The following FREM3 variants were observed in gnomAD, a reference collection of about 807,000 sequenced individuals.
FREM3 encodes the protein FRAS1 related extracellular matrix 3, also known as FRAS1-related extracellular matrix protein 3.
Under a neutral mutation model 129.1 loss-of-function variants are expected in FREM3, and 105 were observed. The observed-to-expected ratio is 0.81, with a 90% CI of 0.69 to 0.96. The LOEUF is 0.96. FREM3 is among the 40% of genes least tolerant of loss of function. FREM3 has a pLI of 0.00. For missense variants in FREM3, 2,593 were observed against 2,666.3 expected (o/e 0.97, Z 0.61); for synonymous variants, 1,014 against 1,044.9 (o/e 0.97, Z 0.57).
chr4:143,614,917 C>CATG (rs1352220070), intron 5 of FREM3, among the ~76,000 whole-genome samples: 2 of 152,188 alleles, frequency 1.3e-5, no homozygotes, highest in Admixed American at 1.3e-4. Flanking sequence ...CCACTCTATC[C>CATG]ATGATGATGA....
intron 6 of FREM3, among the ~76,000 whole-genome samples, chr4:143,591,650 T>C (rs1167720846): frequency 6.6e-6 from 1 of 152,148 alleles, no homozygotes; most frequent in Non-Finnish European, 1.5e-5. Context: ...GAGGAGAGCT[T>C]TACTTCCAAC....
intron 2 of FREM3, among the ~76,000 whole-genome samples, chr4:143,634,586 T>G (rs1220375268): frequency 1.3e-5 from 2 of 152,190 alleles, no homozygotes; most frequent in East Asian, 3.9e-4. Flanking sequence ...AGGAAAGGGC[T>G]TCGTCTTCAT....
chr4:143,623,914 C>T (rs557624047), intron 4 of FREM3, among the ~76,000 whole-genome samples, 194 bp downstream of exon 4: 10 of 152,236 alleles, frequency 6.6e-5, no homozygotes, highest in Non-Finnish European at 1.2e-4. Context: ...CTATTTTAAT[C>T]GTCCTGTATT....
chr4:143,621,507 C>T (rs1418292441), intron 4 of FREM3, among the ~76,000 whole-genome samples: 1 of 152,074 alleles, frequency 6.6e-6, no homozygotes, highest in Admixed American at 6.5e-5. Context: ...TTTACTTTTA[C>T]TGTTTATTTT....
At chr4:143,599,016 C>T (rs1207543982) in intron 6 of FREM3, among the ~76,000 whole-genome samples, 2 of 152,136 alleles carry the variant, frequency 1.3e-5, no homozygotes, top group Non-Finnish European at 2.9e-5. Context: ...TGTACTCAGC[C>T]TGGATATGGG....
chr4:143,669,666 A>G lies in FREM3; in HGVS notation c.5275+23447T>C, dbSNP rs181390532. ...TGCTTTTTCAGTTCGGAAAAAAAAA[A>G]AAAACCACAAGTCACCTAAGGACTT... is the stretch of plus-strand genomic sequence containing the variant. On this transcript the variant is annotated intron_variant, in intron 2 of 7. Coordinates refer to ENST00000329798, the MANE Select transcript of FREM3 (RefSeq NM_001168235.2). Among the ~76,000 whole-genome samples the G allele has an allele frequency of 3.6e-4, 55 of 152,056 alleles. 1 individual carries two copies. Among genetic ancestry groups the G allele is most frequent in the Admixed American group, 2.3e-3 (35 of 15,272 alleles).
At chr4:143,649,040 A>T (rs1460720804) in intron 2 of FREM3, among the ~76,000 whole-genome samples, 1 of 152,226 alleles carries the variant, frequency 6.6e-6, no homozygotes, top group Non-Finnish European at 1.5e-5. Flanking sequence ...CTGGGATCAC[A>T]GGTATAAACT....
chr4:143,636,502 T>C (rs1739236702), intron 2 of FREM3, among the ~76,000 whole-genome samples: 1 of 152,000 alleles, frequency 6.6e-6, no homozygotes, highest in Admixed American at 6.6e-5. Flanking sequence ...AAGTGACTAT[T>C]AAAGTAATAA....
At chr4:143,648,269 C>T (rs560524118) in intron 2 of FREM3, among the ~76,000 whole-genome samples, 8 of 152,326 alleles carry the variant, frequency 5.3e-5, no homozygotes, top group African/African-American at 1.9e-4. Flanking sequence ...TTTACAGGCT[C>T]TTAGGCAGAA....
intron 2 of FREM3, among the ~76,000 whole-genome samples, chr4:143,661,900 A>T (rs1438148153): frequency 6.6e-6 from 1 of 152,026 alleles, no homozygotes; most frequent in Non-Finnish European, 1.5e-5. Context: ...GTATTCTCTG[A>T]TGATAGTTTG....
chr4:143,668,765 C>T (rs1426730235), intron 2 of FREM3, among the ~76,000 whole-genome samples: 5 of 152,190 alleles, frequency 3.3e-5, no homozygotes, highest in Non-Finnish European at 7.3e-5. Flanking sequence ...TAAACACAGG[C>T]TGAAGAAAAG....
chr4:143,659,134 A>T (rs1463922989), intron 2 of FREM3, among the ~76,000 whole-genome samples: 2 of 148,126 alleles, frequency 1.4e-5, no homozygotes, highest in Non-Finnish European at 3.0e-5. Flanking sequence ...TTTAAGGTAC[A>T]TGTGCACAAT....
In FREM3 at chr4:143,616,426, G is replaced by T. The variant is rs1487373168; in HGVS notation, c.5779+4611C>A. Among the ~76,000 whole-genome samples, 6 of 152,090 alleles carry T rather than the reference G, an allele frequency of 3.9e-5. No homozygotes were observed. In the East Asian group the frequency reaches 1.2e-3, roughly 29 times the overall value. Reference sequence around the variant, plus strand: ...CTACAACTAAATAAATCAACACAGAGAATCTTTTTTAAAAGGAAAGAAAAA... The same window carrying T: ...CTACAACTAAATAAATCAACACAGATAATCTTTTTTAAAAGGAAAGAAAAA... On this transcript the variant is annotated intron_variant, in intron 5 of 7. Transcript: ENST00000329798.
In FREM3 at chr4:143,698,404, G is replaced by T. The variant is rs975689828; in HGVS notation, c.2272C>A (p.Arg758=). The change falls in exon 1 of 8, where the codon CGG becomes AGG. Residue 758 remains arginine, a synonymous_variant. Coordinates refer to ENST00000329798, the MANE Select transcript of FREM3 (RefSeq NM_001168235.2). ...PTDTDGNHQV[R]AGEIVLTDSP... ...TCAGTGAGCACAATTTCTCCAGCCC[G>T]GACTTGGTGGTTGCCATCTGTGTCA... is the stretch of plus-strand genomic sequence containing the variant. 1.2e-5 allele frequency: 19 copies of T among 1,537,904 alleles called. No homozygotes were observed. In the East Asian group the frequency reaches 4.6e-4, roughly 38 times the overall value.
chr4:143,615,226 A>G (rs1268942905), intron 5 of FREM3, among the ~76,000 whole-genome samples: 1 of 152,242 alleles, frequency 6.6e-6, no homozygotes, highest in Non-Finnish European at 1.5e-5. Flanking sequence ...CATGATATCC[A>G]AGGAGTCAAA....
Position 143,665,767 on chromosome 4 carries a change from A to G in FREM3, c.5275+27346T>C, listed in dbSNP as rs543090248. On this transcript the variant is annotated intron_variant, in intron 2 of 7. Coordinates refer to ENST00000329798, the MANE Select transcript of FREM3 (RefSeq NM_001168235.2). ...CCCTCTGCCTTTTCAGAACTCCAGTAGAAGTTGATTGATTAAATCAACCAT... is the reference window on the plus strand; with the variant it reads ...CCCTCTGCCTTTTCAGAACTCCAGTGGAAGTTGATTGATTAAATCAACCAT... 1.2e-4 allele frequency among the ~76,000 whole-genome samples: 18 copies of G among 152,286 alleles called. 1 individual carries two copies. The South Asian group carries it at 3.5e-3, about 30-fold the overall frequency.
chr4:143,671,580 TTTCTG>T (rs1235975760), intron 2 of FREM3, among the ~76,000 whole-genome samples: 1 of 152,196 alleles, frequency 6.6e-6, no homozygotes, highest in Non-Finnish European at 1.5e-5. Context: ...TTTTTTGACT[TTTCTG>T]TACTAAAATT....
intron 2 of FREM3, among the ~76,000 whole-genome samples, chr4:143,656,257 G>A (rs1192526364): frequency 2.0e-5 from 3 of 152,050 alleles, no homozygotes; most frequent in Non-Finnish European, 4.4e-5. Flanking sequence ...GATGACAGCA[G>A]ATATCAAGTC....
intron 6 of FREM3, among the ~76,000 whole-genome samples, chr4:143,602,559 C>T (rs190914497): frequency 6.6e-6 from 1 of 152,166 alleles, no homozygotes; most frequent in Admixed American, 6.5e-5. Context: ...GAAGTCACAC[C>T]TCAGAATTTT....
Sources: allele counts gnomAD v4.1 joint callset (sites outside exome capture counted in the v4.1 genomes callset), GRCh38; gene constraint gnomAD v4.1.1; transcripts MANE v1.5; gene names NCBI Gene and HGNC (gene_info 2026-07-23, HGNC 2026-07-21).